RFFL: variants seen among roughly 807,000 people sequenced by gnomAD.
RFFL encodes E3 ubiquitin-protein ligase rififylin.
RFFL carries 16 observed loss-of-function variants against 40.4 expected under a neutral mutation model. The ratio of observed to expected loss-of-function variants is 0.40; its 90% CI spans 0.27 to 0.60. The LOEUF is 0.60. RFFL is among the 20% of genes least tolerant of loss of function. The pLI is 0.47. For synonymous variants in RFFL, 154 were observed against 167.9 expected (o/e 0.92, Z 0.64); for missense variants, 367 against 451.7 (o/e 0.81, Z 1.70).
intron 3 of RFFL, among the ~76,000 whole-genome samples, chr17:35,019,689 A>G (rs1440048645): frequency 6.6e-6 from 1 of 152,076 alleles, no homozygotes; most frequent in Non-Finnish European, 1.5e-5. Context: ...TCTTTACAGA[A>G]AAAGAATTCC....
chr17:35,021,531 T>C lies in RFFL; in HGVS notation c.431A>G (p.Asp144Gly), dbSNP rs181029049. 5 of 1,612,946 alleles carry C rather than the reference T, an allele frequency of 3.1e-6. No individual in the cohort carries two copies. In the African/African-American group the frequency reaches 6.7e-5, roughly 22 times the overall value. The change falls in exon 3 of 7, where the codon GAC becomes GGC. Residue 144 changes from aspartate to glycine, a missense_variant. Transcript: ENST00000394597. ...LGQQPVISQEDRTRASTLSPD... is the reference protein window; with the variant it reads ...LGQQPVISQEGRTRASTLSPD... ...GGACAAGGTGGAGGCACGAGTCCTG[T>C]CCTCCTGGGAGATTACAGGCTGCTG... is the stretch of plus-strand genomic sequence containing the variant.
intron 1 of RFFL, among the ~76,000 whole-genome samples, chr17:35,054,431 T>C (rs1050678012): frequency 6.6e-6 from 1 of 152,214 alleles, no homozygotes; most frequent in African/African-American, 2.4e-5. Context: ...CAAGGCTTGA[T>C]GGAGGCACAT....
At chr17:35,016,186 CA>C (rs1398381974) in intron 5 of RFFL, among the ~76,000 whole-genome samples, 183 bp downstream of exon 5, 1 of 152,174 alleles carries the variant, frequency 6.6e-6, no homozygotes, top group Non-Finnish European at 1.5e-5. Flanking sequence ...TACATACATG[CA>C]ATGCCTAATC....
intron 1 of RFFL, among the ~76,000 whole-genome samples, chr17:35,054,178 T>C (rs2091246862): frequency 1.3e-5 from 2 of 152,204 alleles, no homozygotes; most frequent in African/African-American, 4.8e-5. Flanking sequence ...TCAAGCACTA[T>C]AGTGAAGCAC....
In RFFL at chr17:35,011,238, A is replaced by C. The variant is rs538708498; in HGVS notation, c.*730T>G. 6.6e-6 allele frequency: 1 copy of C among 152,334 alleles called. No homozygotes were observed. Among genetic ancestry groups the C allele is most frequent in the Non-Finnish European group, 1.5e-5 (1 of 68,034 alleles). The allele number at this position is 152,334 out of a possible 1,614,324, so 9.4% of individuals were successfully genotyped here. On this transcript the variant is annotated 3_prime_UTR_variant, in exon 7 of 7. Coordinates refer to ENST00000394597, the MANE Select transcript of RFFL (RefSeq NM_001017368.2). ...CGCACTATCCCTTGCAGACAGAAAC[A>C]AATTTCCCAGCAGTTTGGGAGCCTG...
At chr17:35,018,167 C>G (rs1390010979) in intron 3 of RFFL, among the ~76,000 whole-genome samples, 1 of 152,170 alleles carries the variant, frequency 6.6e-6, no homozygotes, top group Admixed American at 6.5e-5. Flanking sequence ...CATCACCACC[C>G]TAGTCTCTTT....
Position 35,026,447 on chromosome 17 carries a change from G to T in RFFL, c.107C>A (p.Ser36Tyr), listed in dbSNP as rs546308606. Residue 36 changes from serine to tyrosine, a missense_variant, in exon 2 of 7, where the codon TCC (serine) becomes TAC (tyrosine). Physicochemically the swap from Ser to Tyr is moderately radical, Grantham distance 144. Transcript: ENST00000394597. ...MQAYSNPGYS[S>Y]FPSPTGLEPS... is the part of the protein sequence containing the mutation. ...TTCCAAGCCTGTTGGGGAAGGGAAGGAGCTGTACCCAGGGTTGGAATAGGC... is the reference window on the plus strand; with the variant it reads ...TTCCAAGCCTGTTGGGGAAGGGAAGTAGCTGTACCCAGGGTTGGAATAGGC... 6.2e-7 allele frequency: 1 copy of T among 1,613,996 alleles called. No homozygotes were observed. The highest frequency in any genetic ancestry group is 1.7e-5 in the Admixed American group (1 of 60,016).
intron 1 of RFFL, among the ~76,000 whole-genome samples, chr17:35,030,442 G>A (rs2091075465): frequency 1.3e-5 from 2 of 151,862 alleles, no homozygotes; most frequent in Non-Finnish European, 2.9e-5. Context: ...CTGATGGCCA[G>A]TGATGGTGAG....
At chr17:35,047,783 CCTCT>C (rs938208228) in intron 1 of RFFL, among the ~76,000 whole-genome samples, 2 of 151,278 alleles carry the variant, frequency 1.3e-5, no homozygotes, top group African/African-American at 2.4e-5. Flanking sequence ...ACAGAGTCTC[CCTCT>C]GTCACCCAGG....
At chr17:35,032,586 ATGAGT>A (rs756793775) in intron 1 of RFFL, among the ~76,000 whole-genome samples, 1 of 151,998 alleles carries the variant, frequency 6.6e-6, no homozygotes, top group Non-Finnish European at 1.5e-5. Flanking sequence ...GGTTAAGATG[ATGAGT>A]TGAGTTTTGT....
At chr17:35,067,971 A>G (rs544315765), upstream of RFFL, among the ~76,000 whole-genome samples, 6 of 152,322 alleles carry the variant, frequency 3.9e-5, no homozygotes, top group South Asian at 1.2e-3. Context: ...TGGTTGGACC[A>G]TTATTTTCTT....
chr17:35,021,860 GC>G, intron 2 of RFFL, 79 bp from the exon 3 acceptor site: 1 of 1,375,534 alleles, frequency 7.3e-7, no homozygotes, highest in African/African-American at 1.4e-5. Context: ...CTTCAGAGCT[GC>G]CAAGCCCAGC....
intron 1 of RFFL, among the ~76,000 whole-genome samples, chr17:35,070,751 C>T (rs2091344362): frequency 1.3e-5 from 2 of 152,114 alleles, no homozygotes; most frequent in South Asian, 2.1e-4. Context: ...AAAAGCCAGT[C>T]AGCAGACCAC....
chr17:35,024,975 A>G (rs2091032214), intron 2 of RFFL, among the ~76,000 whole-genome samples: 1 of 152,152 alleles, frequency 6.6e-6, no homozygotes, highest in South Asian at 2.1e-4. Context: ...CCAAACTGGA[A>G]TTTTTCTTCC....
chr17:35,018,686 A>C (rs1208047313), intron 3 of RFFL: 1 of 152,278 alleles, frequency 6.6e-6, no homozygotes, highest in Non-Finnish European at 1.5e-5. Flanking sequence ...ACTGCAATGG[A>C]AATGAAAAGC....
intron 2 of RFFL, among the ~76,000 whole-genome samples, chr17:35,022,794 T>A (rs2091017646): frequency 6.6e-6 from 1 of 152,168 alleles, no homozygotes; most frequent in African/African-American, 2.4e-5. Flanking sequence ...TACAAGCATA[T>A]CCAAGACAAA....
chr17:35,042,959 C>T (rs2091176256), intron 1 of RFFL, among the ~76,000 whole-genome samples: 1 of 151,974 alleles, frequency 6.6e-6, no homozygotes, highest in South Asian at 2.1e-4. Context: ...GGTGCATGGG[C>T]TGGACATAAA....
intron 1 of RFFL, 121 bp downstream of exon 1, chr17:35,063,455 C>CAAAAAAAA (rs36055947): frequency 1.1e-4 from 5 of 46,904 alleles, no homozygotes; most frequent in African/African-American, 4.0e-4. Flanking sequence ...AACTCCGTCT[C>CAAAAAAAA]AAAAAAAAAA....
chr17:35,061,802 T>A (rs1027940022), intron 1 of RFFL, among the ~76,000 whole-genome samples: 2 of 151,862 alleles, frequency 1.3e-5, no homozygotes, highest in Non-Finnish European at 2.9e-5. Flanking sequence ...TGCTTCAGCA[T>A]CCTGAGTAAC....
Sources: gnomAD v4.1 joint callset for allele counts (sites outside exome capture counted in the v4.1 genomes callset) on GRCh38, gnomAD v4.1.1 for gene constraint, MANE v1.5 for transcripts, NCBI Gene and HGNC (gene_info 2026-07-23, HGNC 2026-07-21) for gene names.